Variants in UNC5D observed in about 807,000 individuals in gnomAD.
UNC5D encodes netrin receptor UNC5D.
A neutral mutation model predicts 105.4 loss-of-function variants in UNC5D; 39 were observed. The observed-to-expected ratio is 0.37, with a 90% CI of 0.29 to 0.48. The LOEUF is 0.48. Among genes scored for constraint, UNC5D ranks in the 20% least tolerant of loss-of-function variants. The probability of loss-of-function intolerance (pLI) is 0.98; values close to 1 mark genes in which losing one functional copy is unlikely to be tolerated. For synonymous variants in UNC5D, 452 were observed against 450.4 expected (o/e 1.00, Z -0.04); for missense variants, 991 against 1,202.4 (o/e 0.82, Z 2.60).
At chr8:35,438,442 G>T (rs1016423539) in intron 1 of UNC5D, among the ~76,000 whole-genome samples, 1 of 152,052 alleles carries the variant, frequency 6.6e-6, no homozygotes, top group African/African-American at 2.4e-5. Context: ...ATGGTTTGGA[G>T]AGTTTAATGG....
intron 1 of UNC5D, among the ~76,000 whole-genome samples, chr8:35,375,998 A>C (rs943500231): frequency 2.0e-5 from 3 of 152,210 alleles, no homozygotes; most frequent in Non-Finnish European, 4.4e-5. Context: ...TGATTTGGTC[A>C]AACTGCAATC....
At chr8:35,608,892 A>G (rs558155389) in intron 4 of UNC5D, among the ~76,000 whole-genome samples, 1 of 151,996 alleles carries the variant, frequency 6.6e-6, no homozygotes, top group African/African-American at 2.4e-5. Flanking sequence ...ACATGTATCT[A>G]TTTAATTTTT....
intron 1 of UNC5D, among the ~76,000 whole-genome samples, chr8:35,419,240 C>G (rs1382436293): frequency 6.6e-6 from 1 of 152,176 alleles, no homozygotes; most frequent in Non-Finnish European, 1.5e-5. Context: ...ACACAGGATT[C>G]TTTTGGTGCT....
intron 4 of UNC5D, among the ~76,000 whole-genome samples, chr8:35,667,173 A>G (rs1824478031): frequency 6.6e-6 from 1 of 152,172 alleles, no homozygotes; most frequent in South Asian, 2.1e-4. Context: ...CCCTGCTTAT[A>G]AACATAATAT....
intron 1 of UNC5D, among the ~76,000 whole-genome samples, chr8:35,420,673 G>C (rs954314011): frequency 6.6e-6 from 1 of 151,818 alleles, no homozygotes; most frequent in Non-Finnish European, 1.5e-5. Flanking sequence ...ATAACCTATA[G>C]TTTAAGATGT....
chr8:35,501,712 AC>A (rs1460768272), intron 1 of UNC5D, among the ~76,000 whole-genome samples: 5 of 152,206 alleles, frequency 3.3e-5, no homozygotes, highest in Non-Finnish European at 5.9e-5. Context: ...GCATTCAGTT[AC>A]CCCACTCTTA....
At chr8:35,253,495 C>CTT (rs1389018057) in intron 1 of UNC5D, among the ~76,000 whole-genome samples, 1 of 80,874 alleles carries the variant, frequency 1.2e-5, no homozygotes, top group African/African-American at 5.9e-5. Flanking sequence ...TTTTTTTTTT[C>CTT]TTTTTTTTTG....
intron 1 of UNC5D, among the ~76,000 whole-genome samples, chr8:35,365,612 A>G (rs1056700337): frequency 6.7e-6 from 1 of 150,292 alleles, no homozygotes; most frequent in African/African-American, 2.5e-5. Flanking sequence ...AAAAAAAAAA[A>G]AAAAAGCAGC....
intron 11 of UNC5D, among the ~76,000 whole-genome samples, chr8:35,745,588 C>CTTCCTAT (rs1434673994): frequency 1.3e-5 from 2 of 152,266 alleles, no homozygotes; most frequent in African/African-American, 4.8e-5. Flanking sequence ...TCTCAGAAAG[C>CTTCCTAT]AGAGTTCCTA....
chr8:35,361,679 G>A (rs866214612), intron 1 of UNC5D, among the ~76,000 whole-genome samples: 1 of 152,238 alleles, frequency 6.6e-6, no homozygotes, highest in South Asian at 2.1e-4. Context: ...TGGGTTCTCA[G>A]AATCACTTAT....
At chr8:35,409,498 T>C (rs773001525) in intron 1 of UNC5D, among the ~76,000 whole-genome samples, 15 of 152,100 alleles carry the variant, frequency 9.9e-5, no homozygotes, top group Non-Finnish European at 1.5e-4. Context: ...TAATAACTCA[T>C]GAGGTTGAGG....
At chr8:35,688,334 G>A (rs1223987375) in intron 7 of UNC5D, among the ~76,000 whole-genome samples, 1 of 152,066 alleles carries the variant, frequency 6.6e-6, no homozygotes, top group Admixed American at 6.5e-5. Flanking sequence ...CAGTATGTAG[G>A]AAATATCTAA....
At chr8:35,562,241 C>T (rs1017471564) in intron 2 of UNC5D, among the ~76,000 whole-genome samples, 1 of 152,024 alleles carries the variant, frequency 6.6e-6, no homozygotes, top group African/African-American at 2.4e-5. Context: ...ATGATATATA[C>T]CGCATTTTCT....
chr8:35,521,978 G>T (rs1813514612), intron 1 of UNC5D, among the ~76,000 whole-genome samples: 1 of 152,102 alleles, frequency 6.6e-6, no homozygotes, highest in Non-Finnish European at 1.5e-5. Flanking sequence ...CAGGCTTTAT[G>T]TGCCTCCCTC....
At chr8:35,296,103 T>A (rs1293555655) in intron 1 of UNC5D, among the ~76,000 whole-genome samples, 1 of 152,246 alleles carries the variant, frequency 6.6e-6, no homozygotes, top group African/African-American at 2.4e-5. Context: ...ATATTGGCTA[T>A]CATGAATGCT....
intron 1 of UNC5D, among the ~76,000 whole-genome samples, chr8:35,513,248 A>C (rs1812883860): frequency 7.4e-6 from 1 of 134,728 alleles, no homozygotes; most frequent in Non-Finnish European, 1.5e-5. Flanking sequence ...TTTTCCCCTG[A>C]GACAGAGTCT....
intron 13 of UNC5D, among the ~76,000 whole-genome samples, chr8:35,758,813 A>G (rs1830628394): frequency 6.6e-6 from 1 of 152,234 alleles, no homozygotes; most frequent in African/African-American, 2.4e-5. Context: ...ACAAATAAAC[A>G]TGATACATGC....
chr8:35,712,068 C>T (rs1827998187), intron 8 of UNC5D, among the ~76,000 whole-genome samples: 1 of 152,092 alleles, frequency 6.6e-6, no homozygotes, highest in Admixed American at 6.6e-5. Flanking sequence ...GTCAGGAGTT[C>T]GAGACCAGCC....
intron 4 of UNC5D, among the ~76,000 whole-genome samples, chr8:35,602,948 C>T (rs981139596): frequency 6.7e-6 from 1 of 149,038 alleles, no homozygotes; most frequent in Non-Finnish European, 1.5e-5. Flanking sequence ...TGTTCAGTTC[C>T]CATCTATGAG....
Sources: allele counts gnomAD v4.1 joint callset (sites outside exome capture counted in the v4.1 genomes callset), GRCh38; gene constraint gnomAD v4.1.1; transcripts MANE v1.5; gene names NCBI Gene and HGNC (gene_info 2026-07-23, HGNC 2026-07-21).